The following DEPDC1B variants were observed in gnomAD, a reference collection of about 807,000 sequenced individuals.
The protein encoded by DEPDC1B is DEP domain-containing protein 1B.
A neutral mutation model predicts 66.5 loss-of-function variants in DEPDC1B; 51 were observed. The ratio of observed to expected loss-of-function variants is 0.77; its 90% CI spans 0.61 to 0.97. The LOEUF (loss-of-function observed/expected upper bound fraction) is 0.97, where lower values mean the gene tolerates loss of function less well. Among genes scored for constraint, DEPDC1B ranks in the 50% least tolerant of loss-of-function variants. The pLI is 0.00. For missense variants in DEPDC1B, 552 were observed against 637.1 expected, an observed-to-expected ratio of 0.87 and a Z score of 1.44; for synonymous variants, 226 against 223.6, an observed-to-expected ratio of 1.01 and a Z score of -0.10.
At chr5:60,613,174 T>C (rs1366565767) in intron 7 of DEPDC1B, among the ~76,000 whole-genome samples, 2 of 152,220 alleles carry the variant, frequency 1.3e-5, no homozygotes, top group African/African-American at 2.4e-5. Context: ...AGGGCAACTA[T>C]GGACAAATAA....
intron 7 of DEPDC1B, among the ~76,000 whole-genome samples, chr5:60,620,635 A>G (rs1338986435): frequency 6.6e-6 from 1 of 152,162 alleles, no homozygotes; most frequent in Non-Finnish European, 1.5e-5. Flanking sequence ...AAAAGTCAGG[A>G]AACAACAGGT....
chr5:60,599,241 T>TCAG lies in DEPDC1B; in HGVS notation c.1259_1261dup (p.Ala420dup). Reference sequence around the variant, plus strand: ...TGGAGCAGATAAAGTGATATCCATATCAGCTCCTGGGTATTTTATCTGAGG... The same window carrying TCAG: ...TGGAGCAGATAAAGTGATATCCATATCAGCAGCTCCTGGGTATTTTATCTGAGG... On this transcript the variant is annotated inframe_insertion, in exon 10 of 11. Transcript: ENST00000265036. 6.2e-7 allele frequency: 1 copy of TCAG among 1,604,342 alleles called. No homozygotes were observed.
intron 2 of DEPDC1B, among the ~76,000 whole-genome samples, chr5:60,657,380 T>C (rs896408822): frequency 5.3e-5 from 8 of 152,214 alleles, no homozygotes; most frequent in African/African-American, 1.4e-4. Context: ...ACTGTTTTAC[T>C]GTTTTATAGG....
intron 7 of DEPDC1B, among the ~76,000 whole-genome samples, chr5:60,636,868 G>A (rs1351613828): frequency 6.6e-6 from 1 of 151,980 alleles, no homozygotes; most frequent in African/African-American, 2.4e-5. Context: ...TTTCCACCCT[G>A]AAGCCACTAA....
intron 7 of DEPDC1B, among the ~76,000 whole-genome samples, chr5:60,616,571 G>C (rs895560644): frequency 6.6e-6 from 1 of 151,648 alleles, no homozygotes; most frequent in Non-Finnish European, 1.5e-5. Context: ...ATGAAATGAA[G>C]CGAGAAGTTT....
At chr5:60,654,313 C>A (rs1753525903) in intron 2 of DEPDC1B, among the ~76,000 whole-genome samples, 1 of 146,808 alleles carries the variant, frequency 6.8e-6, no homozygotes, top group Admixed American at 6.7e-5. Flanking sequence ...TTGTAGAGAT[C>A]TTTCCCCTTC....
chr5:60,663,429 T>C (rs890741476), intron 2 of DEPDC1B, among the ~76,000 whole-genome samples: 1 of 152,208 alleles, frequency 6.6e-6, no homozygotes, highest in African/African-American at 2.4e-5. Flanking sequence ...GGATTATCAA[T>C]GAGGCCGTTG....
chr5:60,634,516 C>T (rs565650020), intron 7 of DEPDC1B, among the ~76,000 whole-genome samples: 2 of 151,734 alleles, frequency 1.3e-5, no homozygotes, highest in East Asian at 1.9e-4. Context: ...ACTAAAAATA[C>T]AAAAAATTAG....
chr5:60,644,389 T>C (rs1057487892), intron 5 of DEPDC1B, among the ~76,000 whole-genome samples: 10 of 152,254 alleles, frequency 6.6e-5, no homozygotes, highest in African/African-American at 2.4e-4. Flanking sequence ...AACGTGAGAA[T>C]TCTAAATGCA....
chr5:60,678,825 A>C lies in DEPDC1B; in HGVS notation c.314+8137T>G, dbSNP rs549093033. 3.9e-5 allele frequency among the ~76,000 whole-genome samples: 6 copies of C among 152,250 alleles called. No individual in the cohort carries two copies. In the East Asian group the frequency reaches 1.2e-3, roughly 29 times the overall value. On this transcript the variant is annotated intron_variant, in intron 2 of 10. Transcript: ENST00000265036. ...ACTGTCACATATGTGGTTTGCAAATATTTTCCCCATCTGTAGCTTGTCCTC... is the reference window on the plus strand; with the variant it reads ...ACTGTCACATATGTGGTTTGCAAATCTTTTCCCCATCTGTAGCTTGTCCTC...
At chr5:60,629,932 AT>A (rs1451912232) in intron 7 of DEPDC1B, among the ~76,000 whole-genome samples, 1 of 152,176 alleles carries the variant, frequency 6.6e-6, no homozygotes, top group Non-Finnish European at 1.5e-5. Flanking sequence ...AAACAGAAAA[AT>A]TATTTCCAAC....
chr5:60,690,135 A>G (rs1246959138), intron 1 of DEPDC1B, among the ~76,000 whole-genome samples: 4 of 152,208 alleles, frequency 2.6e-5, no homozygotes, highest in Non-Finnish European at 1.5e-5. Context: ...GTGTTTTTTC[A>G]GAGAAAGCAT....
chr5:60,616,998 A>C (rs1316465950), intron 7 of DEPDC1B, among the ~76,000 whole-genome samples: 3 of 152,046 alleles, frequency 2.0e-5, no homozygotes, highest in African/African-American at 7.2e-5. Context: ...TTCCTGAAGG[A>C]AAGAATTTTC....
intron 3 of DEPDC1B, among the ~76,000 whole-genome samples, chr5:60,646,761 G>T (rs1284688679): frequency 6.6e-6 from 1 of 152,194 alleles, no homozygotes; most frequent in Non-Finnish European, 1.5e-5. Flanking sequence ...ATTTACAGCA[G>T]CTCCCTGTTG....
At chr5:60,663,180 A>G (rs1753760209) in intron 2 of DEPDC1B, among the ~76,000 whole-genome samples, 2 of 152,186 alleles carry the variant, frequency 1.3e-5, no homozygotes, top group South Asian at 4.1e-4. Flanking sequence ...TCTGGGCAAC[A>G]AAACGACAAT....
At chr5:60,629,654 C>A (rs1483324364) in intron 7 of DEPDC1B, among the ~76,000 whole-genome samples, 3 of 152,160 alleles carry the variant, frequency 2.0e-5, no homozygotes, top group African/African-American at 7.2e-5. Context: ...AAATTCATGT[C>A]TTCTATTCAG....
intron 10 of DEPDC1B, among the ~76,000 whole-genome samples, 156 bp downstream of exon 10, chr5:60,598,919 G>C (rs1752147464): frequency 6.6e-6 from 1 of 151,968 alleles, no homozygotes; most frequent in Non-Finnish European, 1.5e-5. Flanking sequence ...CCACAAGTGT[G>C]TAAATCAGTG....
chr5:60,697,172 A>T (rs1754674993), intron 1 of DEPDC1B, among the ~76,000 whole-genome samples: 1 of 152,224 alleles, frequency 6.6e-6, no homozygotes, highest in East Asian at 1.9e-4. Context: ...GTATAAATGG[A>T]TAACTAGCTT....
At chr5:60,699,391 G>GCATATAGTAAGCCT (rs1554056846) in intron 1 of DEPDC1B, among the ~76,000 whole-genome samples, 1 of 138,188 alleles carries the variant, frequency 7.2e-6, no homozygotes, top group Admixed American at 7.9e-5. Flanking sequence ...ACCCTTTATT[G>GCATATAGTAAGCCT]TTCCAAGTCA....
Sources: gnomAD v4.1 joint callset for allele counts (sites outside exome capture counted in the v4.1 genomes callset) on GRCh38, gnomAD v4.1.1 for gene constraint, MANE v1.5 for transcripts, NCBI Gene and HGNC (gene_info 2026-07-23, HGNC 2026-07-21) for gene names.